Variants in TRPM8 observed in about 807,000 individuals in gnomAD.
TRPM8 encodes transient receptor potential cation channel subfamily M member 8.
In TRPM8, 110 loss-of-function variants were observed where a neutral mutation model predicts 133.7. The ratio of observed to expected loss-of-function variants is 0.82; its 90% CI spans 0.70 to 0.96. TRPM8 has a LOEUF of 0.96. Among genes scored for constraint, TRPM8 ranks in the 40% least tolerant of loss-of-function variants. The probability of loss-of-function intolerance (pLI) is 0.00; values close to 1 mark genes in which losing one functional copy is unlikely to be tolerated. For synonymous variants in TRPM8, 535 were observed against 532.3 expected (o/e 1.01, Z -0.07); for missense variants, 1,291 against 1,379.5 (o/e 0.94, Z 1.02).
chr2:233,998,390 G>A (rs17868402), intron 22 of TRPM8, among the ~76,000 whole-genome samples: 2,094 of 152,272 alleles, frequency 0.014, 27 homozygotes, highest in Non-Finnish European at 0.022. Flanking sequence ...ATGTGCCTAG[G>A]GCCTAGGGTG....
At chr2:233,952,396 G>A (rs1691190508) in intron 9 of TRPM8, among the ~76,000 whole-genome samples, 2 of 152,084 alleles carry the variant, frequency 1.3e-5, no homozygotes, top group Non-Finnish European at 2.9e-5. Flanking sequence ...GGGCTTTCTG[G>A]AAGGCTTCCC....
At chr2:234,001,534 G>GCAGAGT (rs1303373668) in intron 22 of TRPM8, among the ~76,000 whole-genome samples, 3 of 152,182 alleles carry the variant, frequency 2.0e-5, no homozygotes, top group Non-Finnish European at 4.4e-5. Context: ...GTCCACTTTG[G>GCAGAGT]CAGAGTTCTG....
chr2:233,983,928 TC>T (rs1692076994), intron 20 of TRPM8, among the ~76,000 whole-genome samples: 1 of 152,300 alleles, frequency 6.6e-6, no homozygotes, highest in African/African-American at 2.4e-5. Flanking sequence ...TGTAAGTCTC[TC>T]TGGCCCCATC....
At chr2:233,974,899 G>GA (rs1310590547) in intron 17 of TRPM8, among the ~76,000 whole-genome samples, 3 of 152,102 alleles carry the variant, frequency 2.0e-5, no homozygotes, top group African/African-American at 7.3e-5. Flanking sequence ...GAGAGAGAGA[G>GA]AGGCAGAGGA....
intron 4 of TRPM8, among the ~76,000 whole-genome samples, chr2:233,938,691 C>G (rs1014626138): frequency 1.3e-5 from 2 of 152,064 alleles, no homozygotes; most frequent in African/African-American, 2.4e-5. Flanking sequence ...AGGAGGCAAT[C>G]AGATGTGCAT....
At position 233,945,636 on chromosome 2, in the gene TRPM8, A is replaced by G. The variant is rs560917531; in HGVS notation, c.700-220A>G. On this transcript the variant is annotated intron_variant, in intron 6 of 25. Coordinates refer to ENST00000324695, the MANE Select transcript of TRPM8 (RefSeq NM_024080.5). ...CACTGTCACTGGCCATTTATGAGAA[A>G]ATGAGCACATGGCACAACCATTTTG... Among the ~76,000 whole-genome samples, 4 of 152,342 alleles carry G rather than the reference A, an allele frequency of 2.6e-5. No homozygotes were observed. In the South Asian group the frequency reaches 8.3e-4, roughly 32 times the overall value.
At chr2:233,957,524 A>C (rs1247701924) in intron 11 of TRPM8, among the ~76,000 whole-genome samples, 2 of 152,158 alleles carry the variant, frequency 1.3e-5, no homozygotes, top group East Asian at 1.9e-4. Flanking sequence ...AACCCAAAAA[A>C]CAAAAAAACA....
At chr2:234,002,820 G>A (rs994425308) in intron 22 of TRPM8, among the ~76,000 whole-genome samples, 1 of 152,132 alleles carries the variant, frequency 6.6e-6, no homozygotes. Flanking sequence ...TCATTCTACT[G>A]TTCACAGGTG....
chr2:233,924,654 T>G (rs1691476146), intron 1 of TRPM8, among the ~76,000 whole-genome samples: 1 of 152,234 alleles, frequency 6.6e-6, no homozygotes, highest in Admixed American at 6.5e-5. Flanking sequence ...AGAGGAGGGC[T>G]ATTTGCTGCA....
chr2:233,927,847 C>CTCTTTCTTT lies in TRPM8; in HGVS notation c.117+1193_117+1194insTCTTTCTTT, dbSNP rs1559516420. Among the ~76,000 whole-genome samples, 2 of 47,890 alleles carry CTCTTTCTTT rather than the reference C, an allele frequency of 4.2e-5. 1 individual carries two copies. Among genetic ancestry groups the CTCTTTCTTT allele is most frequent in the African/African-American group, 2.5e-4 (2 of 7,900 alleles). 31.4% of individuals were successfully genotyped at this position (47,890 alleles called of 152,430 possible). A position where few individuals can be genotyped will look rare whatever the true frequency, so the allele number is the denominator to read the frequency against. ...TCCTTCCTTCCTTCCTTCCTTCCTT[C>CTCTTTCTTT]CTTCCTTTCTTTCTCTTTCTTTCTT... On this transcript the variant is annotated intron_variant, in intron 2 of 25. Transcript: ENST00000324695.
intron 11 of TRPM8, among the ~76,000 whole-genome samples, chr2:233,955,998 A>G (rs1248457496): frequency 6.6e-6 from 1 of 152,188 alleles, no homozygotes; most frequent in Admixed American, 6.5e-5. Flanking sequence ...ATGATCTGAC[A>G]CTGCCACCCA....
At chr2:234,017,106 A>G (rs1237759107) in intron 25 of TRPM8, among the ~76,000 whole-genome samples, 193 bp from the exon 26 acceptor site, 1 of 152,180 alleles carries the variant, frequency 6.6e-6, no homozygotes, top group African/African-American at 2.4e-5. Flanking sequence ...TAAACTGGTC[A>G]GAATACACAT....
chr2:233,959,627 C>T (rs1005760199), intron 11 of TRPM8, among the ~76,000 whole-genome samples: 1 of 151,862 alleles, frequency 6.6e-6, no homozygotes, highest in East Asian at 1.9e-4. Flanking sequence ...ACTGTTAACT[C>T]GAGATTTTAA....
intron 17 of TRPM8, among the ~76,000 whole-genome samples, chr2:233,974,817 G>C (rs769194082): frequency 6.6e-6 from 1 of 152,196 alleles, no homozygotes; most frequent in Non-Finnish European, 1.5e-5. Context: ...GTAGAATCAA[G>C]TGACACTGGA....
intron 21 of TRPM8, among the ~76,000 whole-genome samples, chr2:233,993,530 T>G (rs1692333115): frequency 6.6e-6 from 1 of 152,232 alleles, no homozygotes; most frequent in East Asian, 1.9e-4. Flanking sequence ...TGCACCTCCC[T>G]GCTTTGTAAA....
intron 17 of TRPM8, among the ~76,000 whole-genome samples, chr2:233,972,380 C>G (rs1574744254): frequency 6.6e-6 from 1 of 152,274 alleles, no homozygotes; most frequent in African/African-American, 2.4e-5. Context: ...ACGTCCCCAC[C>G]AGACTCAGGA....
At chr2:233,937,223 G>C (rs1559520135) in intron 3 of TRPM8, 130 bp from the exon 4 acceptor site, 1 of 1,186,844 alleles carries the variant, frequency 8.4e-7, no homozygotes, top group East Asian at 2.5e-5. Flanking sequence ...ACACAACCAA[G>C]ATGATGAAAA....
chr2:234,000,084 A>ATGAT (rs1400522965), intron 22 of TRPM8, among the ~76,000 whole-genome samples: 8 of 95,718 alleles, frequency 8.4e-5, no homozygotes, highest in South Asian at 4.0e-4. Flanking sequence ...ATCAATGTGG[A>ATGAT]TGATTTATTT....
chr2:233,995,052 C>T (rs1692369555), intron 21 of TRPM8, among the ~76,000 whole-genome samples: 1 of 152,154 alleles, frequency 6.6e-6, no homozygotes, highest in Admixed American at 6.5e-5. Context: ...AAAACATTTC[C>T]TGCTCCCCTC....
Sources: allele counts gnomAD v4.1 joint callset (sites outside exome capture counted in the v4.1 genomes callset), GRCh38; gene constraint gnomAD v4.1.1; transcripts MANE v1.5; gene names NCBI Gene and HGNC (gene_info 2026-07-23, HGNC 2026-07-21).